The following CDH23 variants were observed in gnomAD, a reference collection of about 807,000 sequenced individuals.
The protein encoded by CDH23 is cadherin-23.
Under a neutral mutation model 317.1 loss-of-function variants are expected in CDH23, and 189 were observed. The observed-to-expected ratio is 0.60, with a 90% CI of 0.53 to 0.67. The LOEUF is 0.67. CDH23 is among the 30% of genes least tolerant of loss of function. The pLI is 0.00. For missense variants in CDH23, 4,401 were observed against 4,592.4 expected (o/e 0.96, Z 1.20); for synonymous variants, 1,839 against 1,876.8 (o/e 0.98, Z 0.52).
intron 38 of CDH23, among the ~76,000 whole-genome samples, chr10:71,759,820 T>TACACACAC (rs1289055534): frequency 0.033 from 2,841 of 85,462 alleles, 446 homozygotes; most frequent in African/African-American, 0.099. Context: ...TCAGAAAATA[T>TACACACAC]ACACACACAC....
chr10:71,671,138 T>G (rs1864129422), intron 14 of CDH23, among the ~76,000 whole-genome samples: 2 of 152,062 alleles, frequency 1.3e-5, no homozygotes, highest in South Asian at 4.2e-4. Flanking sequence ...TTTTCTATTT[T>G]TAATAGAGAT....
chr10:71,685,690 T>C (rs1300377748), intron 18 of CDH23, among the ~76,000 whole-genome samples: 1 of 152,176 alleles, frequency 6.6e-6, no homozygotes, highest in Non-Finnish European at 1.5e-5. Context: ...GAGTACACCC[T>C]GGCCCTGGGG....
At chr10:71,606,347 T>C (rs573943823) in intron 9 of CDH23, among the ~76,000 whole-genome samples, 9 of 152,330 alleles carry the variant, frequency 5.9e-5, no homozygotes, top group Admixed American at 5.2e-4. Context: ...CAAACAAACA[T>C]AGCACTGTGG....
chr10:71,585,789 T>G (rs1859014725), intron 9 of CDH23, among the ~76,000 whole-genome samples: 1 of 152,154 alleles, frequency 6.6e-6, no homozygotes, highest in African/African-American at 2.4e-5. Flanking sequence ...GATAAACCAG[T>G]CTTTATAGCC....
rs58361666 is a variant in CDH23, at chr10:71,667,359, A to AGAGAGAGAGAGAGTGT, written c.1450-7752_1450-7751insAGAGAGAGAGAGTGTG. ...GCTTGAGGCAGAGAAAGAGAGAGAG[A>AGAGAGAGAGAGAGTGT]GTGTGTGTGTGTGTGTGTGTGTGTG... On this transcript the variant is annotated intron_variant, in intron 14 of 69. Transcript: ENST00000224721. 1.2e-4 allele frequency among the ~76,000 whole-genome samples: 13 copies of AGAGAGAGAGAGAGTGT among 112,116 alleles called. 1 individual carries two copies. The South Asian group carries it at 1.4e-3, about 12-fold the overall frequency. 73.6% of individuals were successfully genotyped at this position (112,116 alleles called of 152,430 possible).
At chr10:71,587,765 T>C (rs1174510934) in intron 9 of CDH23, among the ~76,000 whole-genome samples, 1 of 152,244 alleles carries the variant, frequency 6.6e-6, no homozygotes, top group Non-Finnish European at 1.5e-5. Flanking sequence ...CCCAGCTCCC[T>C]TTTTCATCTG....
chr10:71,670,686 C>T (rs903975701), intron 14 of CDH23, among the ~76,000 whole-genome samples: 11 of 152,160 alleles, frequency 7.2e-5, no homozygotes, highest in African/African-American at 2.7e-4. Context: ...ACTGTGGACA[C>T]TAGGGTATGG....
intron 8 of CDH23, among the ~76,000 whole-genome samples, chr10:71,572,803 C>T (rs1019777600): frequency 2.6e-5 from 4 of 152,172 alleles, no homozygotes; most frequent in Non-Finnish European, 5.9e-5. Context: ...TGTAATGTTA[C>T]CTATATATGT....
At chr10:71,711,744 T>C (rs1865977263) in intron 27 of CDH23, 1 of 152,200 alleles carries the variant, frequency 6.6e-6, no homozygotes, top group South Asian at 2.1e-4. Context: ...AGCTCAGATG[T>C]TCAATTTCTC....
chr10:71,418,003 A>T (rs573305190), intron 1 of CDH23, among the ~76,000 whole-genome samples: 1 of 152,294 alleles, frequency 6.6e-6, no homozygotes, highest in East Asian at 1.9e-4. Flanking sequence ...TAAGATCCTG[A>T]TTCTAATTAT....
chr10:71,602,697 T>C (rs1459574877), intron 9 of CDH23, among the ~76,000 whole-genome samples: 1 of 152,154 alleles, frequency 6.6e-6, no homozygotes, highest in Non-Finnish European at 1.5e-5. Context: ...CGTCATCCAG[T>C]CTGTGGCACT....
intron 3 of CDH23, among the ~76,000 whole-genome samples, chr10:71,507,850 G>A (rs1853733029): frequency 6.6e-6 from 1 of 152,218 alleles, no homozygotes; most frequent in Non-Finnish European, 1.5e-5. Flanking sequence ...ACACCGTCTA[G>A]AAAGAGCAAT....
intron 1 of CDH23, among the ~76,000 whole-genome samples, chr10:71,402,808 T>C (rs1847846894): frequency 6.6e-6 from 1 of 151,978 alleles, no homozygotes. Flanking sequence ...TTGTAATTAC[T>C]TACTGATAAC....
Position 71,679,179 on chromosome 10 carries a change from G to A in CDH23, c.1753-208G>A, listed in dbSNP as rs1864501608. Among the ~76,000 whole-genome samples, 2 of 152,176 alleles carry A rather than the reference G, an allele frequency of 1.3e-5. 1 individual carries two copies. Among genetic ancestry groups the A allele is most frequent in the South Asian group, 4.1e-4 (2 of 4,836 alleles). ...ACACCCAGCACATGGAGGGGAGCAG[G>A]GCGTCTGCTGGGAGCCAGAGTGCGG... On this transcript the variant is annotated intron_variant, in intron 16 of 69. Transcript: ENST00000224721.
intron 46 of CDH23, chr10:71,790,926 C>T (rs983417031): frequency 1.7e-6 from 1 of 598,726 alleles, no homozygotes; most frequent in African/African-American, 1.9e-5. Flanking sequence ...GAGGGGACAA[C>T]CACAGGAAAT....
At chr10:71,770,952 G>C (rs1840670491) in intron 38 of CDH23, among the ~76,000 whole-genome samples, 1 of 152,218 alleles carries the variant, frequency 6.6e-6, no homozygotes, top group African/African-American at 2.4e-5. Context: ...CCTCTGGGCA[G>C]TGGGTTGTGG....
chr10:71,790,619 T>C (rs1296123224), intron 46 of CDH23: 4 of 635,774 alleles, frequency 6.3e-6, no homozygotes, highest in African/African-American at 3.7e-5. Context: ...TTGGAGACGA[T>C]ACACAGGACC....
At chr10:71,598,538 C>T (rs868086453) in intron 9 of CDH23, among the ~76,000 whole-genome samples, 4 of 152,160 alleles carry the variant, frequency 2.6e-5, no homozygotes, top group African/African-American at 7.2e-5. Flanking sequence ...TCCCTCCTGC[C>T]GACAGACTAG....
intron 14 of CDH23, among the ~76,000 whole-genome samples, chr10:71,666,450 T>C (rs1863900270): frequency 1.3e-5 from 2 of 152,188 alleles, no homozygotes. Flanking sequence ...CCCCCAGGAA[T>C]GCCCATAAAG....
Sources: allele counts gnomAD v4.1 joint callset (sites outside exome capture counted in the v4.1 genomes callset), GRCh38; gene constraint gnomAD v4.1.1; transcripts MANE v1.5; gene names NCBI Gene and HGNC (gene_info 2026-07-23, HGNC 2026-07-21).